STX18: variants seen among roughly 807,000 people sequenced by gnomAD.
STX18 encodes the protein syntaxin 18.
Under a neutral mutation model 50.1 loss-of-function variants are expected in STX18, and 40 were observed. That is an observed-to-expected ratio of 0.80 (90% CI 0.62 to 1.04). The LOEUF (loss-of-function observed/expected upper bound fraction) is 1.04. Ranked by LOEUF, STX18 falls within the 50% of genes least tolerant of loss-of-function variation. The pLI is 0.00. For missense variants in STX18, 410 were observed against 415.8 expected, an observed-to-expected ratio of 0.99 and a Z score of 0.12; for synonymous variants, 158 against 151.8, an observed-to-expected ratio of 1.04 and a Z score of -0.30.
At chr4:4,440,223 A>G (rs1180292476) in intron 5 of STX18, among the ~76,000 whole-genome samples, 1 of 152,262 alleles carries the variant, frequency 6.6e-6, no homozygotes, top group African/African-American at 2.4e-5. Flanking sequence ...AACAATGTAA[A>G]TGCATATTAG....
intron 5 of STX18, among the ~76,000 whole-genome samples, chr4:4,446,157 T>C (rs1408040255): frequency 1.3e-5 from 2 of 150,306 alleles, no homozygotes; most frequent in Non-Finnish European, 3.0e-5. Context: ...CCAGTTATTA[T>C]ATAGAATAAA....
chr4:4,457,729 T>G (rs1727155196), intron 3 of STX18, among the ~76,000 whole-genome samples: 1 of 152,264 alleles, frequency 6.6e-6, no homozygotes, highest in African/African-American at 2.4e-5. Flanking sequence ...ATTTATGGTT[T>G]ATCAGAACAC....
intron 1 of STX18, among the ~76,000 whole-genome samples, chr4:4,533,989 C>T (rs1473120195): frequency 6.6e-6 from 1 of 152,208 alleles, no homozygotes; most frequent in Non-Finnish European, 1.5e-5. Flanking sequence ...GAGAACCTGG[C>T]ATCCACACGG....
At position 4,437,508 on chromosome 4, in the gene STX18, G is replaced by A. The variant is rs568364041; in HGVS notation, c.613+886C>T. ...CAACTGGTAAGGACAATGCAAATAT[G>A]CAAAAATTTGAAAAAACCCTAAATC... On this transcript the variant is annotated intron_variant, in intron 6 of 10. Coordinates refer to ENST00000306200, the MANE Select transcript of STX18 (RefSeq NM_016930.4). 2.8e-4 allele frequency: 168 copies of A among 598,176 alleles called. No individual in the cohort carries two copies. The African/African-American group carries it at 3.2e-3, about 11-fold the overall frequency. The allele number at this position is 598,176 out of a possible 1,614,324, so 37.1% of individuals were successfully genotyped here.
chr4:4,484,066 G>GCA (rs1367853939), intron 1 of STX18, among the ~76,000 whole-genome samples: 26 of 152,212 alleles, frequency 1.7e-4, no homozygotes, highest in African/African-American at 6.3e-4. Flanking sequence ...GTTTCACCAT[G>GCA]TTAGCCAGGA....
At chr4:4,492,270 AC>A (rs1728976939) in intron 1 of STX18, among the ~76,000 whole-genome samples, 1 of 152,116 alleles carries the variant, frequency 6.6e-6, no homozygotes, top group African/African-American at 2.4e-5. Context: ...AGAAATAAGA[AC>A]CTTCTTTCGA....
intron 1 of STX18, among the ~76,000 whole-genome samples, chr4:4,497,508 A>G (rs59018666): frequency 0.21 from 32,417 of 152,170 alleles, 3,603 homozygotes; most frequent in East Asian, 0.35. Flanking sequence ...CCAGAGTTTT[A>G]TACTGTCCTA....
chr4:4,526,767 GAGGTC>G (rs75855544), intron 1 of STX18, among the ~76,000 whole-genome samples: 28,270 of 151,748 alleles, frequency 0.19, 2,711 homozygotes, highest in African/African-American at 0.24. Flanking sequence ...CCAAGAGTTT[GAGGTC>G]AGCCTGGGCA....
intron 9 of STX18, 82 bp downstream of exon 9, chr4:4,423,436 C>T (rs1294986967): frequency 5.1e-6 from 7 of 1,370,246 alleles, no homozygotes; most frequent in Non-Finnish European, 7.2e-6. Flanking sequence ...AGAGCAGCAG[C>T]CTTTGGGAAA....
At chr4:4,530,096 T>C (rs1731025422) in intron 1 of STX18, among the ~76,000 whole-genome samples, 1 of 152,174 alleles carries the variant, frequency 6.6e-6, no homozygotes, top group South Asian at 2.1e-4. Context: ...TAATTCTCCA[T>C]TTCCTACCAC....
At chr4:4,511,950 G>A (rs1248543054) in intron 1 of STX18, among the ~76,000 whole-genome samples, 2 of 152,074 alleles carry the variant, frequency 1.3e-5, no homozygotes, top group South Asian at 2.1e-4. Flanking sequence ...AGGTGGGGGT[G>A]TTTGTGGGAG....
chr4:4,491,457 G>A (rs555148063), intron 1 of STX18, among the ~76,000 whole-genome samples: 1 of 152,108 alleles, frequency 6.6e-6, no homozygotes. Context: ...AAACGTTGAG[G>A]GTTTTTTCCT....
intron 1 of STX18, among the ~76,000 whole-genome samples, chr4:4,492,513 A>G (rs907352741): frequency 1.3e-5 from 2 of 152,186 alleles, no homozygotes; most frequent in Non-Finnish European, 2.9e-5. Flanking sequence ...CATAAAGAAA[A>G]GCATTTGACA....
chr4:4,425,876 C>G (rs62289800), intron 7 of STX18: 8,070 of 152,506 alleles, frequency 0.053, 326 homozygotes, highest in African/African-American at 0.11. Context: ...GCTCTCCCAG[C>G]CATTCTTGCC....
rs746880237 is a variant in STX18, at chr4:4,425,315, C to T, written c.703-93G>A. 61 of 1,164,624 alleles carry T rather than the reference C, an allele frequency of 5.2e-5. 2 individuals carry two copies. Among genetic ancestry groups the T allele is most frequent in the South Asian group, 4.7e-4 (38 of 80,550 alleles). The allele number at this position is 1,164,624 out of a possible 1,614,324, so 72.1% of individuals were successfully genotyped here. A position where few individuals can be genotyped will look rare whatever the true frequency, so the allele number is the denominator to read the frequency against. On this transcript the variant is annotated intron_variant, in intron 7 of 10. Transcript: ENST00000306200. Reference sequence around the variant, plus strand: ...GGACCTACGCTCCAGGAATCACTGCCGAAGCCCCCATTTCCAGCTGCGGCA... The same window carrying T: ...GGACCTACGCTCCAGGAATCACTGCTGAAGCCCCCATTTCCAGCTGCGGCA...
At chr4:4,534,052 T>C (rs1031001450) in intron 1 of STX18, among the ~76,000 whole-genome samples, 1 of 152,164 alleles carries the variant, frequency 6.6e-6, no homozygotes, top group Non-Finnish European at 1.5e-5. Context: ...AGTCCCAGCC[T>C]AGTGATGGCC....
chr4:4,441,753 C>T (rs2108795747), intron 5 of STX18, among the ~76,000 whole-genome samples: 1 of 152,248 alleles, frequency 6.6e-6, no homozygotes, highest in South Asian at 2.1e-4. Context: ...GAAAAATCAA[C>T]TATGAAATTC....
At chr4:4,479,464 C>T (rs1180344873) in intron 1 of STX18, among the ~76,000 whole-genome samples, 2 of 152,140 alleles carry the variant, frequency 1.3e-5, no homozygotes, top group Non-Finnish European at 2.9e-5. Context: ...CTAACTTGTT[C>T]AGGTGAAAGG....
intron 1 of STX18, among the ~76,000 whole-genome samples, chr4:4,510,298 A>G (rs1385561296): frequency 6.6e-6 from 1 of 152,184 alleles, no homozygotes; most frequent in Non-Finnish European, 1.5e-5. Flanking sequence ...ATAGTTTTTT[A>G]AAAAAATTAG....
Sources: gnomAD v4.1 joint callset for allele counts (sites outside exome capture counted in the v4.1 genomes callset) on GRCh38, gnomAD v4.1.1 for gene constraint, MANE v1.5 for transcripts, NCBI Gene and HGNC (gene_info 2026-07-23, HGNC 2026-07-21) for gene names.